The following WWOX variants were observed in gnomAD, a reference collection of about 807,000 sequenced individuals.
WWOX encodes the protein WW domain-containing oxidoreductase.
Under a neutral mutation model 46.2 loss-of-function variants are expected in WWOX, and 69 were observed. That is an observed-to-expected ratio of 1.49 (90% CI 1.23 to 1.82). The LOEUF (loss-of-function observed/expected upper bound fraction) is 1.82. WWOX is among the 40% of genes most tolerant of loss of function. The pLI, the probability that WWOX is intolerant of heterozygous loss-of-function variation, is 0.00. For missense variants in WWOX, 919 were observed against 542.6 expected (o/e 1.69, Z -6.89); for synonymous variants, 359 against 202.6 (o/e 1.77, Z -6.56).
chr16:78,432,398 A>T (rs1455834145), intron 7 of WWOX, 90 bp from the exon 8 acceptor site: 1 of 1,548,754 alleles, frequency 6.5e-7, no homozygotes, highest in Non-Finnish European at 8.8e-7. Flanking sequence ...GAGCCACTGC[A>T]CCCAGCATTC....
At chr16:78,703,190 C>T (rs1204358079) in intron 8 of WWOX, among the ~76,000 whole-genome samples, 1 of 151,196 alleles carries the variant, frequency 6.6e-6, no homozygotes, top group East Asian at 1.9e-4. Flanking sequence ...CTCTTCTCCG[C>T]TCCTTCCTGA....
At chr16:78,316,822 T>C (rs62034364) in intron 5 of WWOX, among the ~76,000 whole-genome samples, 15,273 of 152,298 alleles carry the variant, frequency 0.1, 1,040 homozygotes, top group East Asian at 0.24. Flanking sequence ...TTTTCAATGC[T>C]GCTTTTTAAG....
chr16:78,579,491 G>C (rs151312599), intron 8 of WWOX, among the ~76,000 whole-genome samples: 2 of 152,030 alleles, frequency 1.3e-5, no homozygotes, highest in Non-Finnish European at 2.9e-5. Flanking sequence ...TAAACCAGGG[G>C]GTAGGAAACA....
At position 78,547,141 on chromosome 16, in the gene WWOX, A is replaced by AC. The variant is rs1567635690; in HGVS notation, c.1056+114389_1056+114390insC. On this transcript the variant is annotated intron_variant, in intron 8 of 8. Transcript: ENST00000566780. ...ACCTTGTCTCAGAAAAAAAAAAAAA[A>AC]AAAAAAAAAAAAAAAAAACAACTAC... is the stretch of plus-strand genomic sequence containing the variant. Among the ~76,000 whole-genome samples, 52 of 45,544 alleles carry AC rather than the reference A, an allele frequency of 1.1e-3. 1 individual carries two copies. The highest frequency in any genetic ancestry group is 1.9e-3 in the African/African-American group (48 of 25,746). 29.9% of individuals were successfully genotyped at this position (45,544 alleles called of 152,430 possible). A position where few individuals can be genotyped will look rare whatever the true frequency, so the allele number is the denominator to read the frequency against.
intron 8 of WWOX, among the ~76,000 whole-genome samples, chr16:78,624,745 C>T (rs1312217070): frequency 6.6e-6 from 1 of 152,126 alleles, no homozygotes; most frequent in Non-Finnish European, 1.5e-5. Context: ...TCTCCAGCAC[C>T]CTGGCTGGAA....
chr16:78,757,608 A>C (rs1164764210), intron 8 of WWOX, among the ~76,000 whole-genome samples: 4 of 152,198 alleles, frequency 2.6e-5, no homozygotes, highest in Non-Finnish European at 5.9e-5. Context: ...AGACGTATGT[A>C]AAAACATTTG....
At chr16:78,278,185 T>C (rs2079613234) in intron 5 of WWOX, among the ~76,000 whole-genome samples, 1 of 152,222 alleles carries the variant, frequency 6.6e-6, no homozygotes, top group Non-Finnish European at 1.5e-5. Flanking sequence ...AAAACTGTAG[T>C]CTATTAAGAG....
intron 8 of WWOX, among the ~76,000 whole-genome samples, chr16:78,884,258 G>C (rs1220022534): frequency 7.8e-6 from 1 of 128,986 alleles, no homozygotes; most frequent in African/African-American, 2.9e-5. Context: ...GGGTGACAGA[G>C]TGAGACCCTG....
chr16:78,343,312 G>A (rs1202836043), intron 5 of WWOX, among the ~76,000 whole-genome samples: 2 of 120,400 alleles, frequency 1.7e-5, no homozygotes, highest in East Asian at 1.9e-4. Context: ...ATAACCCACC[G>A]CCACGTTCCT....
At chr16:78,791,323 C>A (rs547347972) in intron 8 of WWOX, among the ~76,000 whole-genome samples, 3 of 152,132 alleles carry the variant, frequency 2.0e-5, no homozygotes, top group Non-Finnish European at 4.4e-5. Context: ...TGGATCTGGA[C>A]TCAACGGCAG....
intron 8 of WWOX, among the ~76,000 whole-genome samples, chr16:78,477,846 C>G (rs939513110): frequency 6.6e-6 from 1 of 152,002 alleles, no homozygotes; most frequent in Non-Finnish European, 1.5e-5. Context: ...GATTCTTTTA[C>G]TATGTACTGT....
At chr16:78,144,470 T>TATATATATATATATATATACACAC (rs2034113314) in intron 4 of WWOX, among the ~76,000 whole-genome samples, 2 of 26,614 alleles carry the variant, frequency 7.5e-5, no homozygotes, top group East Asian at 3.2e-3. Flanking sequence ...TATACACACA[T>TATATATATATATATATATACACAC]ATATATATAT....
chr16:78,664,660 T>A (rs938891673), intron 8 of WWOX, among the ~76,000 whole-genome samples: 1 of 152,194 alleles, frequency 6.6e-6, no homozygotes, highest in South Asian at 2.1e-4. Flanking sequence ...TCAGTGTGTC[T>A]AGGAAGACCA....
chr16:79,142,084 C>A (rs918611924), intron 8 of WWOX, among the ~76,000 whole-genome samples: 9 of 152,184 alleles, frequency 5.9e-5, no homozygotes, highest in African/African-American at 1.9e-4. Flanking sequence ...TTCTCCATCT[C>A]CTGCCCTTAC....
At chr16:78,568,042 T>A (rs1400185529) in intron 8 of WWOX, among the ~76,000 whole-genome samples, 1 of 152,172 alleles carries the variant, frequency 6.6e-6, no homozygotes, top group Non-Finnish European at 1.5e-5. Context: ...GGAGTCTTTG[T>A]CTCATTTACA....
intron 8 of WWOX, among the ~76,000 whole-genome samples, chr16:78,486,266 C>T (rs1005413706): frequency 6.6e-6 from 1 of 152,048 alleles, no homozygotes; most frequent in African/African-American, 2.4e-5. Flanking sequence ...ATGTGTAGTC[C>T]CATACCATTT....
chr16:78,826,089 G>C, intron 8 of WWOX: 2 of 346,334 alleles, frequency 5.8e-6, no homozygotes, highest in Non-Finnish European at 1.0e-5. Flanking sequence ...AAGACAACCG[G>C]GAATGCCTGT....
intron 8 of WWOX, among the ~76,000 whole-genome samples, chr16:79,122,700 C>CT (rs1325734633): frequency 2.0e-5 from 3 of 152,068 alleles, no homozygotes; most frequent in African/African-American, 7.2e-5. Context: ...TAACCGTAAG[C>CT]TAGGATAACT....
intron 8 of WWOX, among the ~76,000 whole-genome samples, chr16:78,615,824 C>G (rs1255210461): frequency 6.6e-6 from 1 of 151,558 alleles, no homozygotes; most frequent in Non-Finnish European, 1.5e-5. Flanking sequence ...AGTCTCCGCT[C>G]ACTGTAAGCT....
Sources: allele counts gnomAD v4.1 joint callset (sites outside exome capture counted in the v4.1 genomes callset), GRCh38; gene constraint gnomAD v4.1.1; transcripts MANE v1.5; gene names NCBI Gene and HGNC (gene_info 2026-07-23, HGNC 2026-07-21).